The following KCNH7 variants were observed in gnomAD, a reference collection of about 807,000 sequenced individuals.
KCNH7 encodes the protein voltage-gated inwardly rectifying potassium channel KCNH7.
KCNH7 carries 49 observed loss-of-function variants against 120.8 expected under a neutral mutation model. That is an observed-to-expected ratio of 0.41 (90% CI 0.32 to 0.51). The LOEUF (loss-of-function observed/expected upper bound fraction) is 0.51. Ranked by LOEUF, KCNH7 falls within the 20% of genes least tolerant of loss-of-function variation. KCNH7 has a pLI of 0.38. For synonymous variants in KCNH7, 547 were observed against 516.1 expected (o/e 1.06, Z -0.81); for missense variants, 1,097 against 1,446.6 (o/e 0.76, Z 3.92).
intron 2 of KCNH7, among the ~76,000 whole-genome samples, chr2:162,806,196 A>G (rs988730560): frequency 1.3e-5 from 2 of 152,180 alleles, no homozygotes; most frequent in African/African-American, 2.4e-5. Context: ...TAATTCATCC[A>G]TGTAACTGAA....
intron 2 of KCNH7, among the ~76,000 whole-genome samples, chr2:162,591,242 C>T (rs1236586480): frequency 4.0e-5 from 6 of 151,670 alleles, no homozygotes; most frequent in Non-Finnish European, 4.4e-5. Flanking sequence ...TTATGCATTT[C>T]TTTTATTTTT....
chr2:162,421,801 A>G (rs1237255920), intron 9 of KCNH7, among the ~76,000 whole-genome samples: 3 of 152,302 alleles, frequency 2.0e-5, no homozygotes, highest in Non-Finnish European at 4.4e-5. Flanking sequence ...AAAAATGGTC[A>G]CAAAACTAGA....
intron 2 of KCNH7, among the ~76,000 whole-genome samples, chr2:162,769,556 T>C (rs1344219400): frequency 6.6e-6 from 1 of 152,032 alleles, no homozygotes. Flanking sequence ...AAAGGCCATC[T>C]CCAAGGAAAA....
intron 2 of KCNH7, among the ~76,000 whole-genome samples, chr2:162,715,390 C>T (rs894977194): frequency 2.0e-5 from 3 of 152,122 alleles, no homozygotes; most frequent in Non-Finnish European, 1.5e-5. Context: ...TCAAACATCT[C>T]CCACCAGGAC....
At chr2:162,778,919 A>G (rs1683361367) in intron 2 of KCNH7, among the ~76,000 whole-genome samples, 1 of 150,458 alleles carries the variant, frequency 6.6e-6, no homozygotes, top group South Asian at 2.1e-4. Flanking sequence ...CATTGAGTCT[A>G]CACCCTTTAG....
At chr2:162,592,197 T>TTCCTGATCTATTCCTAGTC (rs1220152169) in intron 2 of KCNH7, among the ~76,000 whole-genome samples, 6 of 152,070 alleles carry the variant, frequency 3.9e-5, no homozygotes, top group Admixed American at 3.3e-4. Context: ...TGTGCTGAGT[T>TTCCTGATCTATTCCTAGTC]TCCTGATCTA....
In KCNH7 at chr2:162,517,941, G is replaced by C. The variant is rs1691369167; in HGVS notation, c.681C>G (p.Pro227=). 1.2e-6 allele frequency: 2 copies of C among 1,612,352 alleles called. No homozygotes were observed. Among genetic ancestry groups the C allele is most frequent in the Non-Finnish European group, 1.7e-6 (2 of 1,178,848 alleles). ...CAAGAGGTCCGGATATATTCACCAA[G>C]GGAGAACATTTGCTGGGCTGTATCA... ...KALIQPSKCS[P]LVNISGPLDH... Residue 227 remains proline (P), a synonymous_variant, in exon 4 of 16, where the codon CCC becomes CCG. Transcript: ENST00000332142.
chr2:162,806,361 A>T (rs1318150608), intron 2 of KCNH7, among the ~76,000 whole-genome samples: 1 of 152,190 alleles, frequency 6.6e-6, no homozygotes, highest in Non-Finnish European at 1.5e-5. Context: ...AAGATAATAA[A>T]ATACTATTTA....
At chr2:162,605,077 T>C (rs1682691205) in intron 2 of KCNH7, among the ~76,000 whole-genome samples, 2 of 152,094 alleles carry the variant, frequency 1.3e-5, no homozygotes, top group African/African-American at 4.8e-5. Context: ...ATTGAGGTGA[T>C]AGACAATCAT....
chr2:162,782,432 G>A (rs1193173263), intron 2 of KCNH7, among the ~76,000 whole-genome samples: 1 of 152,176 alleles, frequency 6.6e-6, no homozygotes, highest in East Asian at 1.9e-4. Context: ...CTATTTTGGA[G>A]AAAGGCATTC....
At chr2:162,453,244 G>A (rs1239447130) in intron 6 of KCNH7, among the ~76,000 whole-genome samples, 1 of 152,130 alleles carries the variant, frequency 6.6e-6, no homozygotes, top group African/African-American at 2.4e-5. Flanking sequence ...TTAGTTTGCT[G>A]AGAATGATGG....
intron 6 of KCNH7, among the ~76,000 whole-genome samples, chr2:162,459,478 G>A (rs1450490631): frequency 6.6e-6 from 1 of 152,122 alleles, no homozygotes; most frequent in Non-Finnish European, 1.5e-5. Flanking sequence ...TTGCAATCAG[G>A]TATGGCCATG....
intron 2 of KCNH7, among the ~76,000 whole-genome samples, chr2:162,549,751 C>T (rs550636829): frequency 1.3e-5 from 2 of 152,172 alleles, no homozygotes; most frequent in Admixed American, 6.5e-5. Context: ...AATTAATTTC[C>T]TAGATTCATT....
chr2:162,644,022 G>T (rs1684262408), intron 2 of KCNH7, among the ~76,000 whole-genome samples: 1 of 151,898 alleles, frequency 6.6e-6, no homozygotes, highest in East Asian at 1.9e-4. Flanking sequence ...CCACCATACT[G>T]CTCTTTTCCT....
intron 2 of KCNH7, among the ~76,000 whole-genome samples, chr2:162,549,486 C>T (rs1692594994): frequency 6.6e-6 from 1 of 152,164 alleles, no homozygotes; most frequent in Non-Finnish European, 1.5e-5. Context: ...ACTTAATAAA[C>T]ACTTTCTGAG....
At chr2:162,499,867 A>C (rs896079108) in intron 6 of KCNH7, among the ~76,000 whole-genome samples, 1 of 152,058 alleles carries the variant, frequency 6.6e-6, no homozygotes, top group Non-Finnish European at 1.5e-5. Context: ...TATTTTGGAA[A>C]CTTCTCACCT....
chr2:162,836,011 A>G (rs1450973091), intron 2 of KCNH7, among the ~76,000 whole-genome samples: 2 of 152,180 alleles, frequency 1.3e-5, no homozygotes. Context: ...GATCAAGGTA[A>G]AAGTTCCTAT....
intron 2 of KCNH7, among the ~76,000 whole-genome samples, chr2:162,781,546 T>C (rs897159212): frequency 7.9e-5 from 12 of 151,978 alleles, no homozygotes; most frequent in Admixed American, 7.9e-4. Context: ...AAAATTAGAT[T>C]GAAAGTTGAA....
At chr2:162,751,843 C>T (rs1319441154) in intron 2 of KCNH7, among the ~76,000 whole-genome samples, 1 of 151,452 alleles carries the variant, frequency 6.6e-6, no homozygotes, top group African/African-American at 2.4e-5. Context: ...GTTGATTGTA[C>T]AAATAATTCA....
Sources: gnomAD v4.1 joint callset for allele counts (sites outside exome capture counted in the v4.1 genomes callset) on GRCh38, gnomAD v4.1.1 for gene constraint, MANE v1.5 for transcripts, NCBI Gene and HGNC (gene_info 2026-07-23, HGNC 2026-07-21) for gene names.